SUMF1: variants seen among roughly 807,000 people sequenced by gnomAD.
SUMF1 encodes the protein sulfatase modifying factor 1.
A neutral mutation model predicts 47.6 loss-of-function variants in SUMF1; 48 were observed. That is an observed-to-expected ratio of 1.01 (90% CI 0.80 to 1.28). The LOEUF is 1.28. Among genes scored for constraint, SUMF1 ranks in the 50% most tolerant of loss-of-function variants. The probability of loss-of-function intolerance (pLI) is 0.00; values close to 1 mark genes in which losing one functional copy is unlikely to be tolerated. For missense variants in SUMF1, 571 were observed against 485.4 expected, an observed-to-expected ratio of 1.18 and a Z score of -1.66; for synonymous variants, 230 against 192.1, an observed-to-expected ratio of 1.20 and a Z score of -1.63.
intron 8 of SUMF1, among the ~76,000 whole-genome samples, chr3:4,354,534 G>C (rs73121654): frequency 3.2e-4 from 48 of 152,320 alleles, no homozygotes; most frequent in African/African-American, 1.1e-3. Context: ...TTCCCCTTCC[G>C]TGAGAACTTC....
intron 8 of SUMF1, among the ~76,000 whole-genome samples, chr3:4,094,874 G>C (rs1308301102): frequency 6.6e-6 from 1 of 152,106 alleles, no homozygotes; most frequent in African/African-American, 2.4e-5. Context: ...TCGTGATGTA[G>C]GCTGACTCCA....
rs371328869 is a variant in SUMF1, at chr3:4,282,520, G to A, written c.1014+93810C>T. Among the ~76,000 whole-genome samples the A allele has an allele frequency of 1.0e-3, 157 of 152,206 alleles. 1 individual carries two copies. In the South Asian group the frequency reaches 0.013, roughly 13 times the overall value. On this transcript the variant is annotated intron_variant and NMD_transcript_variant, in intron 8 of 12. Transcript: ENST00000448413. ...ATCAGAGCAAAGAAGTAACTACTTG[G>A]TACTGCGAGTGGGGAAAAATCCTTA...
chr3:4,041,004 T>C (rs1193855376), intron 9 of SUMF1, among the ~76,000 whole-genome samples: 1 of 152,204 alleles, frequency 6.6e-6, no homozygotes, highest in Non-Finnish European at 1.5e-5. Flanking sequence ...CTGAAGTTTA[T>C]GGCAGTTCCC....
At chr3:4,129,852 G>T (rs1196164588) in intron 8 of SUMF1, among the ~76,000 whole-genome samples, 1 of 151,990 alleles carries the variant, frequency 6.6e-6, no homozygotes, top group Non-Finnish European at 1.5e-5. Context: ...GGGTCCAGTG[G>T]GTCCCTGGAC....
chr3:4,442,422 A>ATTT (rs35412119), intron 3 of SUMF1, among the ~76,000 whole-genome samples: 3 of 148,906 alleles, frequency 2.0e-5, no homozygotes, highest in Admixed American at 2.0e-4. Context: ...CGCCCGGCTA[A>ATTT]TTTTTTTTTT....
At chr3:4,325,972 C>T (rs1698936639) in intron 8 of SUMF1, among the ~76,000 whole-genome samples, 1 of 152,144 alleles carries the variant, frequency 6.6e-6, no homozygotes, top group South Asian at 2.1e-4. Flanking sequence ...CAGGCATGCA[C>T]CACCATGCCT....
At chr3:4,204,830 T>TTC (rs1440244051) in intron 8 of SUMF1, among the ~76,000 whole-genome samples, 4 of 151,822 alleles carry the variant, frequency 2.6e-5, no homozygotes, top group Admixed American at 6.6e-5. Flanking sequence ...TCTGCTTGAT[T>TTC]TTTTTTATTA....
intron 8 of SUMF1, among the ~76,000 whole-genome samples, chr3:4,351,456 G>T (rs1439341189): frequency 6.7e-6 from 1 of 149,112 alleles, no homozygotes. Context: ...ATTTCATGAG[G>T]ATGACGCAGC....
At chr3:4,131,052 C>A (rs1693776778) in intron 8 of SUMF1, among the ~76,000 whole-genome samples, 1 of 152,148 alleles carries the variant, frequency 6.6e-6, no homozygotes, top group Non-Finnish European at 1.5e-5. Flanking sequence ...TAACTACTCT[C>A]CTTTTGAGAG....
chr3:4,449,421 TA>T, intron 2 of SUMF1, 81 bp from the exon 3 acceptor site: 1 of 1,340,030 alleles, frequency 7.5e-7, no homozygotes, highest in Non-Finnish European at 1.1e-6. Flanking sequence ...TCCACACTAT[TA>T]AAGTGATTCC....
rs370523189 is a variant in SUMF1, at chr3:4,134,122, T to C, written c.1015-65377A>G. 6.4e-4 allele frequency among the ~76,000 whole-genome samples: 97 copies of C among 152,242 alleles called. No individual in the cohort carries two copies. The East Asian group carries it at 0.015, about 23-fold the overall frequency. ...TCAGCTCTGCACCACGCAGACCTAA[T>C]AGACATCTACAGAACTCTCCACCAC... On this transcript the variant is annotated intron_variant and NMD_transcript_variant, in intron 8 of 12. Transcript: ENST00000448413.
intron 7 of SUMF1, among the ~76,000 whole-genome samples, chr3:4,381,805 G>A (rs1429911961): frequency 2.0e-5 from 3 of 152,340 alleles, no homozygotes; most frequent in South Asian, 4.1e-4. Context: ...AGCACTTTGG[G>A]AGGCCAGTAT....
chr3:4,148,674 T>C (rs940957813), intron 8 of SUMF1, among the ~76,000 whole-genome samples: 2 of 152,104 alleles, frequency 1.3e-5, no homozygotes, highest in Non-Finnish European at 2.9e-5. Context: ...TACAAACAAA[T>C]GGTAATGGCT....
chr3:4,313,002 C>T (rs1367668234), intron 8 of SUMF1: 1 of 1,614,036 alleles, frequency 6.2e-7, no homozygotes, highest in South Asian at 1.1e-5. Context: ...CTGGCACTTG[C>T]TCCTGTCTCC....
At position 4,311,681 on chromosome 3, in the gene SUMF1, T is replaced by C. The variant is rs1465209535; in HGVS notation, c.1014+64649A>G. On this transcript the variant is annotated intron_variant and NMD_transcript_variant, in intron 8 of 12. Transcript: ENST00000448413. ...CTCTCAGGCAGAGCCAAATATCCAG[T>C]CTACTTCTACCACATACTGTGTGTC... Among the ~76,000 whole-genome samples the C allele has an allele frequency of 3.3e-5, 5 of 152,330 alleles. No individual in the cohort carries two copies. In the East Asian group the frequency reaches 9.6e-4, roughly 29 times the overall value.
intron 8 of SUMF1, among the ~76,000 whole-genome samples, chr3:4,162,045 T>C (rs541927961): frequency 7.2e-5 from 11 of 151,964 alleles, no homozygotes; most frequent in African/African-American, 1.7e-4. Flanking sequence ...CAGGACTGGG[T>C]CCTTTCTTTC....
intron 7 of SUMF1, among the ~76,000 whole-genome samples, chr3:4,404,300 T>A (rs1701306062): frequency 6.6e-6 from 1 of 152,232 alleles, no homozygotes; most frequent in South Asian, 2.1e-4. Flanking sequence ...GATATTTTGA[T>A]CACCTTGCTT....
At chr3:4,065,712 T>C (rs553123300) in intron 9 of SUMF1, among the ~76,000 whole-genome samples, 2 of 152,208 alleles carry the variant, frequency 1.3e-5, no homozygotes, top group African/African-American at 4.8e-5. Context: ...ACTGAGTGAT[T>C]TGCATTCATT....
chr3:4,053,362 T>C (rs1214441265), intron 9 of SUMF1, among the ~76,000 whole-genome samples: 4 of 152,036 alleles, frequency 2.6e-5, no homozygotes, highest in South Asian at 4.2e-4. Context: ...GTAACAGATA[T>C]AATAATAATG....
Sources: allele counts gnomAD v4.1 joint callset (sites outside exome capture counted in the v4.1 genomes callset), GRCh38; gene constraint gnomAD v4.1.1; transcripts MANE v1.5; gene names NCBI Gene and HGNC (gene_info 2026-07-23, HGNC 2026-07-21).